The following PLCB4 variants were observed in gnomAD, a reference collection of about 807,000 sequenced individuals.
PLCB4 encodes the protein 1-phosphatidylinositol 4,5-bisphosphate phosphodiesterase beta-4.
A neutral mutation model predicts 178.8 loss-of-function variants in PLCB4; 77 were observed. The observed-to-expected ratio is 0.43, with a 90% CI of 0.36 to 0.52. The LOEUF is 0.52. PLCB4 is among the 20% of genes least tolerant of loss of function. The pLI, the probability that PLCB4 is intolerant of heterozygous loss-of-function variation, is 0.00. For synonymous variants in PLCB4, 496 were observed against 490.8 expected (o/e 1.01, Z -0.14); for missense variants, 1,024 against 1,453.4 (o/e 0.70, Z 4.80).
At chr20:9,143,227 A>G (rs922828859) in intron 2 of PLCB4, among the ~76,000 whole-genome samples, 1 of 152,092 alleles carries the variant, frequency 6.6e-6, no homozygotes, top group African/African-American at 2.4e-5. Context: ...TTTGTTGTCC[A>G]TCTCCCTCTT....
chr20:9,177,009 A>G (rs1037057897), intron 2 of PLCB4, among the ~76,000 whole-genome samples: 2 of 152,124 alleles, frequency 1.3e-5, no homozygotes, highest in African/African-American at 4.8e-5. Flanking sequence ...ATAAGGAGCA[A>G]CAATGATGGA....
At chr20:9,207,479 G>T (rs1429047363) in intron 2 of PLCB4, among the ~76,000 whole-genome samples, 1 of 152,210 alleles carries the variant, frequency 6.6e-6, no homozygotes, top group Non-Finnish European at 1.5e-5. Flanking sequence ...TCAAGATTTA[G>T]TATTGTACTC....
chr20:9,363,406 A>T (rs975711029), intron 8 of PLCB4, among the ~76,000 whole-genome samples: 1 of 152,218 alleles, frequency 6.6e-6, no homozygotes, highest in African/African-American at 2.4e-5. Flanking sequence ...CTGAAAAAGA[A>T]GCCTCAGCCC....
chr20:9,086,882 C>T (rs1325601461), intron 1 of PLCB4, among the ~76,000 whole-genome samples: 2 of 152,190 alleles, frequency 1.3e-5, no homozygotes, highest in Non-Finnish European at 2.9e-5. Context: ...AGGGCTTAGG[C>T]TTCTAGAACT....
At chr20:9,295,064 G>T (rs1425493601) in intron 3 of PLCB4, among the ~76,000 whole-genome samples, 1 of 152,172 alleles carries the variant, frequency 6.6e-6, no homozygotes, top group East Asian at 1.9e-4. Context: ...AGGGTCCTCT[G>T]TGACCAGGAA....
chr20:9,081,768 C>CACAAAAAAA (rs2090156896), intron 1 of PLCB4, among the ~76,000 whole-genome samples: 2 of 90,474 alleles, frequency 2.2e-5, no homozygotes, highest in Non-Finnish European at 4.1e-5. Context: ...GATGATTAAG[C>CACAAAAAAA]AAAAAAAAAA....
In PLCB4 at chr20:9,355,274, T is replaced by C. The variant is rs370268405; in HGVS notation, c.370-7622T>C. On this transcript the variant is annotated intron_variant, in intron 7 of 39. Transcript: ENST00000378473. ...TTCATTTGCCATGCTTTTTAAAATT[T>C]TTTTATTTTTTATATTTTGTATTAT... Among the ~76,000 whole-genome samples the C allele has an allele frequency of 7.9e-4, 120 of 151,992 alleles. 3 individuals carry two copies. The South Asian group carries it at 0.023, about 30-fold the overall frequency.
chr20:9,450,743 G>A (rs886917661), intron 32 of PLCB4, among the ~76,000 whole-genome samples: 1 of 147,434 alleles, frequency 6.8e-6, no homozygotes, highest in African/African-American at 2.5e-5. Context: ...ATGCCTCCCG[G>A]GTTCAAGCAA....
chr20:9,273,940 A>C (rs1430034801), intron 3 of PLCB4, among the ~76,000 whole-genome samples: 1 of 152,076 alleles, frequency 6.6e-6, no homozygotes, highest in Non-Finnish European at 1.5e-5. Context: ...CAGGATATTA[A>C]CTAGGAAGCT....
chr20:9,365,996 C>T (rs920981105), intron 9 of PLCB4, among the ~76,000 whole-genome samples: 5 of 152,116 alleles, frequency 3.3e-5, no homozygotes, highest in African/African-American at 4.8e-5. Flanking sequence ...TCTCTGGCTT[C>T]GTGCTGCCTA....
At chr20:9,174,446 ATTC>A (rs199595925) in intron 2 of PLCB4, among the ~76,000 whole-genome samples, 448 of 145,132 alleles carry the variant, frequency 3.1e-3, no homozygotes, top group African/African-American at 8.7e-3. Context: ...CACCTGGCCT[ATTC>A]TTCTTTTTTT....
At chr20:9,095,741 A>G (rs2146596619) in intron 1 of PLCB4, among the ~76,000 whole-genome samples, 1 of 152,206 alleles carries the variant, frequency 6.6e-6, no homozygotes, top group South Asian at 2.1e-4. Context: ...TTGTAATCTA[A>G]AAGTCTTAGC....
intron 6 of PLCB4, among the ~76,000 whole-genome samples, chr20:9,338,566 A>T (rs1363757655): frequency 6.6e-6 from 1 of 152,024 alleles, no homozygotes; most frequent in African/African-American, 2.4e-5. Flanking sequence ...AGTCTCAACT[A>T]CTCAGGAGGC....
intron 4 of PLCB4, among the ~76,000 whole-genome samples, chr20:9,317,825 G>A (rs553934374): frequency 4.6e-5 from 7 of 152,322 alleles, no homozygotes; most frequent in South Asian, 4.1e-4. Flanking sequence ...TTGGGCAGGC[G>A]TGGTGGCTCA....
intron 4 of PLCB4, among the ~76,000 whole-genome samples, chr20:9,335,807 C>T (rs539557980): frequency 1.3e-5 from 2 of 152,276 alleles, no homozygotes; most frequent in African/African-American, 2.4e-5. Flanking sequence ...TGGTCTTATT[C>T]ATGGCAATGA....
At chr20:9,167,033 A>G (rs1568878489) in intron 2 of PLCB4, among the ~76,000 whole-genome samples, 1 of 152,060 alleles carries the variant, frequency 6.6e-6, no homozygotes, top group African/African-American at 2.4e-5. Context: ...ATTTATTTTA[A>G]TATCTCTTTT....
At chr20:9,232,316 T>G (rs572090969) in intron 3 of PLCB4, among the ~76,000 whole-genome samples, 1 of 152,162 alleles carries the variant, frequency 6.6e-6, no homozygotes, top group Non-Finnish European at 1.5e-5. Flanking sequence ...TTGCCTATGT[T>G]TCTTGTAATG....
intron 3 of PLCB4, among the ~76,000 whole-genome samples, chr20:9,250,509 A>G (rs2094169218): frequency 6.6e-6 from 1 of 152,252 alleles, no homozygotes; most frequent in Admixed American, 6.5e-5. Context: ...CCCATGATGC[A>G]TTTGTATAGT....
chr20:9,147,332 T>A (rs186966125), intron 2 of PLCB4, among the ~76,000 whole-genome samples: 14 of 152,310 alleles, frequency 9.2e-5, no homozygotes, highest in Non-Finnish European at 1.8e-4. Context: ...CATTACAGTC[T>A]GGCTAAGGAC....
Sources: allele counts gnomAD v4.1 joint callset (sites outside exome capture counted in the v4.1 genomes callset), GRCh38; gene constraint gnomAD v4.1.1; transcripts MANE v1.5; gene names NCBI Gene and HGNC (gene_info 2026-07-23, HGNC 2026-07-21).